RBFOX1: variants seen among roughly 807,000 people sequenced by gnomAD.
The protein encoded by RBFOX1 is RNA binding fox-1 homolog 1.
A neutral mutation model predicts 57.7 loss-of-function variants in RBFOX1; 8 were observed. The observed-to-expected ratio is 0.14, with a 90% CI of 0.08 to 0.25. The LOEUF is 0.25. RBFOX1 is among the 10% of genes least tolerant of loss of function. The pLI is 1.00. For synonymous variants in RBFOX1, 326 were observed against 222.4 expected, an observed-to-expected ratio of 1.47 and a Z score of -4.15; for missense variants, 611 against 548.5, an observed-to-expected ratio of 1.11 and a Z score of -1.14.
chr16:5,645,925 T>C (rs1452656044), intron 3 of RBFOX1, among the ~76,000 whole-genome samples: 1 of 152,222 alleles, frequency 6.6e-6, no homozygotes, highest in African/African-American at 2.4e-5. Flanking sequence ...AGCCTCAAAC[T>C]CCTGGGCTCA....
At chr16:6,902,079 G>A (rs1352781360) in intron 3 of RBFOX1, among the ~76,000 whole-genome samples, 3 of 152,020 alleles carry the variant, frequency 2.0e-5, no homozygotes, top group Non-Finnish European at 4.4e-5. Context: ...ACTTGATGTC[G>A]GCATATATTT....
intron 4 of RBFOX1, among the ~76,000 whole-genome samples, chr16:7,070,727 C>T (rs1276393647): frequency 6.6e-6 from 1 of 152,146 alleles, no homozygotes; most frequent in Non-Finnish European, 1.5e-5. Flanking sequence ...CAAGAGCATC[C>T]TGCCCTGAAT....
At chr16:7,078,183 A>G (rs1184348353) in intron 4 of RBFOX1, among the ~76,000 whole-genome samples, 1 of 152,178 alleles carries the variant, frequency 6.6e-6, no homozygotes, top group Non-Finnish European at 1.5e-5. Context: ...GTTTTCCTGC[A>G]GAAGAAGGAG....
At chr16:7,489,433 A>G (rs2066327055) in intron 4 of RBFOX1, among the ~76,000 whole-genome samples, 1 of 152,190 alleles carries the variant, frequency 6.6e-6, no homozygotes, top group South Asian at 2.1e-4. Context: ...AATCTTCAAA[A>G]TAGTCTTATG....
intron 4 of RBFOX1, among the ~76,000 whole-genome samples, chr16:7,173,822 C>G (rs1002296754): frequency 1.3e-5 from 2 of 152,222 alleles, no homozygotes; most frequent in Admixed American, 6.5e-5. Context: ...TGTCATACAA[C>G]TGTTGTCCTA....
chr16:7,065,425 T>C (rs576803528), intron 4 of RBFOX1, among the ~76,000 whole-genome samples: 1 of 152,296 alleles, frequency 6.6e-6, no homozygotes, highest in South Asian at 2.1e-4. Context: ...CGTTCCTCTG[T>C]CCACATGCTC....
chr16:5,787,110 G>T (rs916616487), intron 3 of RBFOX1, among the ~76,000 whole-genome samples: 4 of 152,148 alleles, frequency 2.6e-5, no homozygotes, highest in African/African-American at 7.2e-5. Flanking sequence ...TTCCAGCCTG[G>T]GAAACAGAGT....
chr16:6,149,031 T>C (rs1304699190), intron 1 of RBFOX1, among the ~76,000 whole-genome samples: 2 of 152,206 alleles, frequency 1.3e-5, no homozygotes, highest in African/African-American at 4.8e-5. Context: ...CAAATGTAGA[T>C]CATTGAAATG....
At chr16:6,328,682 C>T (rs1456803878) in intron 2 of RBFOX1, among the ~76,000 whole-genome samples, 3 of 152,228 alleles carry the variant, frequency 2.0e-5, no homozygotes, top group East Asian at 1.9e-4. Context: ...TTCATCTTCT[C>T]TCATGAGGAT....
At chr16:7,623,136 T>A (rs2059564343) in intron 10 of RBFOX1, among the ~76,000 whole-genome samples, 1 of 152,032 alleles carries the variant, frequency 6.6e-6, no homozygotes, top group South Asian at 2.1e-4. Flanking sequence ...GGTAGGAAGG[T>A]GTAGTAGTTG....
rs562475697 is a variant in RBFOX1, at chr16:7,407,758, G to C, written c.28-110389G>C. Among the ~76,000 whole-genome samples the C allele has an allele frequency of 1.2e-4, 18 of 152,274 alleles. No homozygotes were observed. The East Asian group carries it at 3.1e-3, about 26-fold the overall frequency. On this transcript the variant is annotated intron_variant, in intron 4 of 15. Transcript: ENST00000550418. ...TGTGCAAGTCTTCACAGTGCCTTCT[G>C]TATCTTCATAGATTCAGTCTATTCC... is the stretch of plus-strand genomic sequence containing the variant.
chr16:7,354,090 G>T (rs1015130772), intron 4 of RBFOX1, among the ~76,000 whole-genome samples: 5 of 152,104 alleles, frequency 3.3e-5, no homozygotes, highest in Non-Finnish European at 7.3e-5. Flanking sequence ...TCCTGCCTCA[G>T]CCTCCTGAGT....
chr16:6,985,952 T>A (rs374471176), intron 3 of RBFOX1, among the ~76,000 whole-genome samples: 1 of 151,400 alleles, frequency 6.6e-6, no homozygotes, highest in Non-Finnish European at 1.5e-5. Flanking sequence ...TGGAGTGATA[T>A]AGAATAAGGC....
At chr16:6,664,160 C>G (rs1484540264) in intron 3 of RBFOX1, among the ~76,000 whole-genome samples, 1 of 152,176 alleles carries the variant, frequency 6.6e-6, no homozygotes, top group Non-Finnish European at 1.5e-5. Flanking sequence ...TCTGGTCCAG[C>G]CATCTCTAGC....
intron 4 of RBFOX1, among the ~76,000 whole-genome samples, chr16:7,211,383 C>T (rs887429184): frequency 3.9e-4 from 44 of 114,074 alleles, no homozygotes; most frequent in African/African-American, 1.4e-3. Flanking sequence ...CAGAGTGAGA[C>T]TGCCTCTCAA....
chr16:6,019,739 G>C lies in RBFOX1; in HGVS notation c.-380G>C. 1 of 1,375,794 alleles carries C rather than the reference G, an allele frequency of 7.3e-7. No homozygotes were observed. Among genetic ancestry groups the C allele is most frequent in the Non-Finnish European group, 9.4e-7 (1 of 1,064,174 alleles). The allele number at this position is 1,375,794 out of a possible 1,614,324, so 85.2% of individuals were successfully genotyped here. ...GAGCGGACCGCGCGCCCGGGATTGA[G>C]AGTCCTTGCGCTCCAGACCCCCACC... is the stretch of plus-strand genomic sequence containing the variant. On this transcript the variant is annotated 5_prime_UTR_variant, in exon 1 of 16. Transcript: ENST00000550418. This position sits in a 1 kb window ranked among gnomAD's most constrained non-coding sequence, Gnocchi z 4.2.
At chr16:6,573,436 G>C (rs1448631606) in intron 2 of RBFOX1, among the ~76,000 whole-genome samples, 1 of 152,194 alleles carries the variant, frequency 6.6e-6, no homozygotes, top group South Asian at 2.1e-4. Context: ...CTGCTGGAAA[G>C]AGTCTGCCAT....
At chr16:7,377,311 G>A (rs540117693) in intron 4 of RBFOX1, among the ~76,000 whole-genome samples, 15 of 152,312 alleles carry the variant, frequency 9.8e-5, no homozygotes, top group Admixed American at 3.9e-4. Context: ...TATCACCCAC[G>A]TGAGGTGGTG....
intron 4 of RBFOX1, among the ~76,000 whole-genome samples, chr16:7,061,737 G>C (rs2346251): frequency 2.6e-5 from 4 of 151,960 alleles, no homozygotes; most frequent in Non-Finnish European, 5.9e-5. Context: ...CAAGCAAATC[G>C]CTAATAATGC....
Sources: allele counts gnomAD v4.1 joint callset (sites outside exome capture counted in the v4.1 genomes callset), GRCh38; gene constraint gnomAD v4.1.1; non-coding constraint Gnocchi (gnomAD v3.1); transcripts MANE v1.5; gene names NCBI Gene and HGNC (gene_info 2026-07-23, HGNC 2026-07-21).